TTC6: variants seen among roughly 807,000 people sequenced by gnomAD.
The protein encoded by TTC6 is tetratricopeptide repeat domain 6, also known as tetratricopeptide repeat protein 6.
TTC6 carries 172 observed loss-of-function variants against 210.4 expected under a neutral mutation model. The observed-to-expected ratio is 0.82, with a 90% CI of 0.72 to 0.93. The LOEUF (loss-of-function observed/expected upper bound fraction) is 0.93. TTC6 is among the 40% of genes least tolerant of loss of function. TTC6 has a pLI of 0.00. For missense variants in TTC6, 2,414 were observed against 2,318.1 expected (o/e 1.04, Z -0.85); for synonymous variants, 804 against 819.6 (o/e 0.98, Z 0.32).
chr14:37,709,450 A>G (rs901718618), intron 5 of TTC6, among the ~76,000 whole-genome samples: 2 of 152,146 alleles, frequency 1.3e-5, no homozygotes, highest in African/African-American at 4.8e-5. Flanking sequence ...ATGACAAAAA[A>G]TCATTTCAGT....
At chr14:37,711,179 G>T (rs376498908) in intron 5 of TTC6, among the ~76,000 whole-genome samples, 42 of 152,254 alleles carry the variant, frequency 2.8e-4, no homozygotes, top group Middle Eastern at 3.4e-3. Flanking sequence ...TCTGGGGCTG[G>T]CTTTGGCTGT....
At chr14:37,794,182 A>G (rs1305397941) in intron 17 of TTC6, among the ~76,000 whole-genome samples, 1 of 152,194 alleles carries the variant, frequency 6.6e-6, no homozygotes, top group Non-Finnish European at 1.5e-5. Context: ...ATATGACTAT[A>G]TGATTTATTA....
At position 37,685,024 on chromosome 14, in the gene TTC6, G is replaced by A. The variant is rs144961225; in HGVS notation, c.1257+2060G>A. Among the ~76,000 whole-genome samples, 537 of 152,236 alleles carry A rather than the reference G, an allele frequency of 3.5e-3. 3 individuals are homozygous for A. Among genetic ancestry groups the A allele is most frequent in the African/African-American group, 0.012 (517 of 41,562 alleles). On this transcript the variant is annotated intron_variant, in intron 3 of 30. Transcript: ENST00000553443. ...TGGCCATTTCTACTCTTAGAAGCTC[G>A]TTAGTATAATGAAGGTGATTGGTAT... is the stretch of plus-strand genomic sequence containing the variant.
intron 29 of TTC6, among the ~76,000 whole-genome samples, chr14:37,829,167 T>A (rs1360390797): frequency 1.3e-5 from 2 of 152,010 alleles, no homozygotes; most frequent in African/African-American, 4.8e-5. Context: ...TCCTTTGTTT[T>A]TGGTATGTCT....
At chr14:37,789,313 A>AT (rs1005631607) in intron 15 of TTC6, among the ~76,000 whole-genome samples, 7 of 140,368 alleles carry the variant, frequency 5.0e-5, no homozygotes, top group African/African-American at 1.1e-4. Flanking sequence ...GTTAAATAAT[A>AT]TTTTTTTTCC....
intron 26 of TTC6, among the ~76,000 whole-genome samples, chr14:37,820,953 C>A (rs112986698): frequency 1.4e-5 from 2 of 138,552 alleles, no homozygotes; most frequent in African/African-American, 6.9e-5. Context: ...TTCTCCTCCT[C>A]CTTCTCCTCC....
At chr14:37,735,720 A>C (rs2095899823) in intron 7 of TTC6, among the ~76,000 whole-genome samples, 1 of 152,170 alleles carries the variant, frequency 6.6e-6, no homozygotes, top group Non-Finnish European at 1.5e-5. Context: ...ACTGAAGCCA[A>C]ATTGCAGGTT....
intron 1 of TTC6, among the ~76,000 whole-genome samples, chr14:37,679,743 T>C (rs1468036578): frequency 6.6e-6 from 1 of 152,158 alleles, no homozygotes; most frequent in Non-Finnish European, 1.5e-5. Flanking sequence ...CAGGCTGTAG[T>C]GCAATGGCAT....
intron 25 of TTC6, among the ~76,000 whole-genome samples, chr14:37,812,816 T>C (rs1037023355): frequency 1.3e-5 from 2 of 152,146 alleles, no homozygotes; most frequent in Non-Finnish European, 2.9e-5. Flanking sequence ...AATAAATCTG[T>C]TTCAAACAGG....
chr14:37,768,174 A>G (rs1349729081), intron 14 of TTC6, among the ~76,000 whole-genome samples: 1 of 150,274 alleles, frequency 6.7e-6, no homozygotes, highest in Non-Finnish European at 1.5e-5. Context: ...CTGTTTTGGT[A>G]CCAGTACCAT....
At position 37,738,858 on chromosome 14, in the gene TTC6, AAG is replaced by A. The variant is rs1566922235; in HGVS notation, c.2069_2070del (p.Glu690GlyfsTer17). The A allele has an allele frequency of 6.5e-7, 1 of 1,534,886 alleles. No individual in the cohort carries two copies. Among genetic ancestry groups the A allele is most frequent in the Admixed American group, 2.0e-5 (1 of 50,998 alleles). ...AAGAATGATATGCAAAGCAGTATAA[AAG>A]AGGTTATGTTTCAGAAAGCAAAGGA... On this transcript the variant is annotated frameshift_variant, in exon 10 of 31. Transcript: ENST00000553443. LOFTEE classifies it high-confidence loss of function.
chr14:37,612,047 A>G (rs1595008160), intron 2 of TTC6, among the ~76,000 whole-genome samples: 1 of 152,052 alleles, frequency 6.6e-6, no homozygotes, highest in Non-Finnish European at 1.5e-5. Context: ...TTTCATATCT[A>G]CAACTTTATA....
chr14:37,663,062 T>A (rs1328893155), intron 1 of TTC6, among the ~76,000 whole-genome samples: 3 of 152,224 alleles, frequency 2.0e-5, no homozygotes, highest in African/African-American at 7.2e-5. Flanking sequence ...ATCTCTGATT[T>A]CTTTGAGCAA....
chr14:37,827,051 A>G, intron 28 of TTC6, 145 bp from the exon 31 acceptor site: 1 of 595,602 alleles, frequency 1.7e-6, no homozygotes, highest in Non-Finnish European at 2.7e-6. Context: ...TCCTTTCTCA[A>G]AATATTTGTT....
intron 14 of TTC6, among the ~76,000 whole-genome samples, chr14:37,764,532 C>G (rs1213468487): frequency 6.6e-6 from 1 of 151,988 alleles, no homozygotes; most frequent in East Asian, 1.9e-4. Flanking sequence ...TCTTCTTTGT[C>G]CCTTGTATTA....
intron 14 of TTC6, among the ~76,000 whole-genome samples, chr14:37,766,091 A>G (rs772455355): frequency 3.3e-5 from 5 of 152,120 alleles, no homozygotes; most frequent in African/African-American, 1.2e-4. Context: ...GGATTAATAC[A>G]TTCATTTCTT....
intron 1 of TTC6, among the ~76,000 whole-genome samples, chr14:37,632,970 C>T (rs935786064): frequency 6.6e-6 from 1 of 152,200 alleles, no homozygotes; most frequent in South Asian, 2.1e-4. Flanking sequence ...CCCCTCCTCA[C>T]CCCCACCAAC....
chr14:37,603,703 C>A (rs1323451975), intron 1 of TTC6, among the ~76,000 whole-genome samples: 1 of 152,356 alleles, frequency 6.6e-6, no homozygotes, highest in East Asian at 1.9e-4. Context: ...GCACTCTACA[C>A]ACTCCTCTCC....
At chr14:37,628,026 A>C (rs2095663299) in intron 1 of TTC6, among the ~76,000 whole-genome samples, 1 of 152,124 alleles carries the variant, frequency 6.6e-6, no homozygotes, top group African/African-American at 2.4e-5. Flanking sequence ...GCTGGAGTGC[A>C]ATGGCATGAT....
Sources: gnomAD v4.1 joint callset for allele counts (sites outside exome capture counted in the v4.1 genomes callset) on GRCh38, gnomAD v4.1.1 for gene constraint, MANE v1.5 for transcripts, NCBI Gene and HGNC (gene_info 2026-07-23, HGNC 2026-07-21) for gene names.